Variants in WDR37 observed in about 807,000 individuals in gnomAD.
WDR37 encodes the protein WD repeat-containing protein 37.
In WDR37, 19 loss-of-function variants were observed where a neutral mutation model predicts 62.9. The observed-to-expected ratio is 0.30, with a 90% CI of 0.21 to 0.44. WDR37 has a LOEUF of 0.44. WDR37 is among the 20% of genes least tolerant of loss of function. The probability of loss-of-function intolerance (pLI) is 1.00; values close to 1 mark genes in which losing one functional copy is unlikely to be tolerated. For missense variants in WDR37, 474 were observed against 657.6 expected (o/e 0.72, Z 3.05); for synonymous variants, 250 against 260.9 (o/e 0.96, Z 0.40).
At chr10:1,104,633 C>T (rs1175044801) in intron 10 of WDR37, among the ~76,000 whole-genome samples, 1 of 152,160 alleles carries the variant, frequency 6.6e-6, no homozygotes, top group Non-Finnish European at 1.5e-5. Context: ...TATTTACAGG[C>T]TCTGCCCTAA....
rs926296763 is a variant in WDR37 at position 1,130,596 on chromosome 10, C to T, written c.*1252C>T. 4 of 152,258 alleles carry T rather than the reference C, an allele frequency of 2.6e-5. No homozygotes were observed. The highest frequency in any genetic ancestry group is 2.0e-4 in the Admixed American group (3 of 15,290). The allele number at this position is 152,258 out of a possible 1,614,324, so 9.4% of individuals were successfully genotyped here. On this transcript the variant is annotated 3_prime_UTR_variant, in exon 14 of 14. Transcript: ENST00000263150. ...GAGTTACAGTTTTGATAAAGAGGCT[C>T]TCATTTCCTGTGTCTTGTATATTCA...
At chr10:1,076,611 G>A (rs1024776655) in intron 2 of WDR37, among the ~76,000 whole-genome samples, 6 of 151,464 alleles carry the variant, frequency 4.0e-5, no homozygotes, top group Admixed American at 2.6e-4. Flanking sequence ...CCTGGGAGGC[G>A]GAGCTTGCAG....
intron 11 of WDR37, among the ~76,000 whole-genome samples, chr10:1,113,419 AT>A (rs1482842056): frequency 4.5e-4 from 68 of 152,342 alleles, no homozygotes; most frequent in African/African-American, 1.6e-3. Context: ...TCTGCAGCCC[AT>A]GGTTCAAGGA....
At chr10:1,102,695 C>T (rs922912554) in intron 9 of WDR37, among the ~76,000 whole-genome samples, 5 of 152,178 alleles carry the variant, frequency 3.3e-5, no homozygotes, top group African/African-American at 1.2e-4. Context: ...CCAGACACCC[C>T]CACCAGGCCC....
chr10:1,073,973 C>T (rs1330597660), intron 2 of WDR37, among the ~76,000 whole-genome samples: 5 of 152,188 alleles, frequency 3.3e-5, no homozygotes, highest in Non-Finnish European at 2.9e-5. Flanking sequence ...CAGAGCTATG[C>T]GGCAGGACTC....
chr10:1,125,128 C>T, intron 13 of WDR37, 104 bp downstream of exon 13: 1 of 1,482,530 alleles, frequency 6.7e-7, no homozygotes, highest in South Asian at 1.4e-5. Context: ...GCTAAGTTTT[C>T]CTTGGAAATG....
chr10:1,080,299 A>G, intron 4 of WDR37, 113 bp from the exon 5 acceptor site: 1 of 1,423,126 alleles, frequency 7.0e-7, no homozygotes, highest in Admixed American at 2.0e-5. Flanking sequence ...CACTAGGGTC[A>G]AACGAGCCTT....
intron 11 of WDR37, among the ~76,000 whole-genome samples, chr10:1,117,171 C>G (rs2131681670): frequency 6.6e-6 from 1 of 152,312 alleles, no homozygotes; most frequent in Admixed American, 6.5e-5. Context: ...CCTCCCACCT[C>G]ACCCTCCTGA....
At chr10:1,112,392 A>G (rs1451181005) in intron 11 of WDR37, among the ~76,000 whole-genome samples, 1 of 152,146 alleles carries the variant, frequency 6.6e-6, no homozygotes, top group Non-Finnish European at 1.5e-5. Context: ...TTCGTCTCTC[A>G]CCTTCTCCTA....
At chr10:1,069,389 A>ATTTTTTTTT (rs377212232) in intron 1 of WDR37, among the ~76,000 whole-genome samples, 2 of 95,804 alleles carry the variant, frequency 2.1e-5, no homozygotes, top group African/African-American at 9.4e-5. Context: ...ATATATATAT[A>ATTTTTTTTT]TTTTTTTTTT....
intron 1 of WDR37, among the ~76,000 whole-genome samples, chr10:1,057,397 G>T (rs1833225522): frequency 6.6e-6 from 1 of 152,166 alleles, no homozygotes; most frequent in Non-Finnish European, 1.5e-5. Flanking sequence ...TCCCGGGGAA[G>T]TGCGTCTCCA....
chr10:1,129,379 G>C lies in WDR37; in HGVS notation c.*35G>C, dbSNP rs759493798. The stretch of plus-strand genomic sequence containing the variant: ...CAGCCCTTAGTTTCACTGTTTGCCA[G>C]CACAGACCTTTGATGGGTGCAGGCT... On this transcript the variant is annotated 3_prime_UTR_variant, in exon 14 of 14. Transcript: ENST00000263150. 4.3e-6 allele frequency: 7 copies of C among 1,612,830 alleles called. No homozygotes were observed. In the East Asian group the frequency reaches 1.3e-4, roughly 31 times the overall value.
At chr10:1,064,167 C>T (rs1336134577) in intron 1 of WDR37, among the ~76,000 whole-genome samples, 1 of 152,136 alleles carries the variant, frequency 6.6e-6, no homozygotes, top group Non-Finnish European at 1.5e-5. Flanking sequence ...GAAATAAATT[C>T]AGTGGATGGC....
chr10:1,119,847 A>T (rs1490385876), intron 11 of WDR37, among the ~76,000 whole-genome samples: 1 of 152,200 alleles, frequency 6.6e-6, no homozygotes, highest in African/African-American at 2.4e-5. Flanking sequence ...TCAGTGACTT[A>T]GTTGGGAAAT....
intron 11 of WDR37, among the ~76,000 whole-genome samples, chr10:1,110,457 C>T (rs988379931): frequency 1.3e-5 from 2 of 152,210 alleles, no homozygotes; most frequent in Admixed American, 6.5e-5. Context: ...CGAGCCAATA[C>T]GACAAATAAA....
chr10:1,129,388 T>C lies in WDR37; in HGVS notation c.*44T>C, dbSNP rs762668635. Reference sequence around the variant, plus strand: ...GTTTCACTGTTTGCCAGCACAGACCTTTGATGGGTGCAGGCTTTTCTGCGT... The same window carrying C: ...GTTTCACTGTTTGCCAGCACAGACCCTTGATGGGTGCAGGCTTTTCTGCGT... On this transcript the variant is annotated 3_prime_UTR_variant, in exon 14 of 14. Coordinates refer to ENST00000263150, the MANE Select transcript of WDR37 (RefSeq NM_014023.4). 1.2e-6 allele frequency: 2 copies of C among 1,612,132 alleles called. No homozygotes were observed. The highest frequency in any genetic ancestry group is 2.2e-5 in the East Asian group (1 of 44,816).
chr10:1,123,259 G>A (rs977552044), intron 11 of WDR37, among the ~76,000 whole-genome samples: 43 of 152,134 alleles, frequency 2.8e-4, no homozygotes, highest in African/African-American at 9.7e-4. Flanking sequence ...AAAGATTGTG[G>A]TTAAATATAC....
chr10:1,126,257 T>C (rs1260184725), intron 13 of WDR37, among the ~76,000 whole-genome samples: 1 of 151,830 alleles, frequency 6.6e-6, no homozygotes, highest in Non-Finnish European at 1.5e-5. Flanking sequence ...TACAAAAAAA[T>C]CAGCCAGGCG....
intron 10 of WDR37, among the ~76,000 whole-genome samples, chr10:1,104,038 T>C (rs1356261905): frequency 1.3e-5 from 2 of 152,238 alleles, no homozygotes; most frequent in Non-Finnish European, 2.9e-5. Context: ...GGGTTTTAAA[T>C]TGTAGCATGT....
Sources: allele counts gnomAD v4.1 joint callset (sites outside exome capture counted in the v4.1 genomes callset), GRCh38; gene constraint gnomAD v4.1.1; transcripts MANE v1.5; gene names NCBI Gene and HGNC (gene_info 2026-07-23, HGNC 2026-07-21).